CDH4: variants seen among roughly 807,000 people sequenced by gnomAD.
CDH4 encodes the protein cadherin-4.
CDH4 carries 33 observed loss-of-function variants against 86.0 expected under a neutral mutation model. The ratio of observed to expected loss-of-function variants is 0.38; its 90% CI spans 0.29 to 0.51. CDH4 has a LOEUF of 0.51. Among genes scored for constraint, CDH4 ranks in the 20% least tolerant of loss-of-function variants. The pLI is 0.86. For synonymous variants in CDH4, 555 were observed against 549.4 expected (o/e 1.01, Z -0.14); for missense variants, 1,114 against 1,307.4 (o/e 0.85, Z 2.28).
rs528264404 is a variant in CDH4, at chr20:61,269,137, C to T, written c.169+14200C>T. On this transcript the variant is annotated intron_variant, in intron 2 of 15. Transcript: ENST00000614565. The surrounding 1 kb of genome is among the most constrained non-coding windows in gnomAD (Gnocchi z 5.3). The stretch of plus-strand genomic sequence containing the variant: ...TCCACTGATGGAGCCCTCCCCATGC[C>T]GGGTGCTGCACCGTACCAGCTGGGT... 2.0e-5 allele frequency among the ~76,000 whole-genome samples: 3 copies of T among 152,312 alleles called. No homozygotes were observed. Among genetic ancestry groups the T allele is most frequent in the East Asian group, 1.9e-4 (1 of 5,178 alleles).
rs1212055286 is a variant in CDH4, at chr20:61,582,392, C to T, written c.170-161171C>T. 6.6e-6 allele frequency among the ~76,000 whole-genome samples: 1 copy of T among 152,226 alleles called. No individual in the cohort carries two copies. The highest frequency in any genetic ancestry group is 2.4e-5 in the African/African-American group (1 of 41,466). On this transcript the variant is annotated intron_variant, in intron 2 of 15. Transcript: ENST00000614565. This position sits in a 1 kb window ranked among gnomAD's most constrained non-coding sequence, Gnocchi z 4.2. ...GTGAGCCCTGGGGCTTTCCCAGGGC[C>T]ATCCCCCTGCCTGGGGCCCTGTCCG...
intron 2 of CDH4, among the ~76,000 whole-genome samples, chr20:61,287,307 C>T (rs996067783): frequency 2.6e-5 from 4 of 152,094 alleles, no homozygotes; most frequent in Non-Finnish European, 5.9e-5. Context: ...GAGACCTGGT[C>T]TCTACACTAA....
chr20:61,772,910 C>T, intron 3 of CDH4, 93 bp from the exon 4 acceptor site: 3 of 1,100,830 alleles, frequency 2.7e-6, no homozygotes, highest in South Asian at 2.0e-5. Flanking sequence ...CTCTCAGTCT[C>T]GGGCAGTACA....
chr20:61,837,903 T>G (rs974191341), intron 4 of CDH4, among the ~76,000 whole-genome samples: 1 of 151,986 alleles, frequency 6.6e-6, no homozygotes, highest in Non-Finnish European at 1.5e-5. Flanking sequence ...TCTCCCTTCC[T>G]CCCCTCCCAT....
rs1397838182 is a variant in CDH4 at position 61,265,544 on chromosome 20, C to T, written c.169+10607C>T. 7.3e-5 allele frequency among the ~76,000 whole-genome samples: 11 copies of T among 151,362 alleles called. No individual in the cohort carries two copies. The East Asian group carries it at 1.8e-3, about 24-fold the overall frequency. ...GTTCCTTCATTCAATCTTACACGGA[C>T]CTCAGTGGCTCCTTCACTCAATCTT... is the stretch of plus-strand genomic sequence containing the variant. On this transcript the variant is annotated intron_variant, in intron 2 of 15. Coordinates refer to ENST00000614565, the MANE Select transcript of CDH4 (RefSeq NM_001794.5).
chr20:61,904,749 G>T (rs974957352), intron 8 of CDH4, among the ~76,000 whole-genome samples: 1 of 152,240 alleles, frequency 6.6e-6, no homozygotes. Context: ...GCCGCTTGCC[G>T]TGTGGCAGAT....
intron 2 of CDH4, among the ~76,000 whole-genome samples, chr20:61,603,457 C>T (rs775939324): frequency 1.3e-5 from 2 of 152,128 alleles, no homozygotes; most frequent in African/African-American, 2.4e-5. Context: ...GGCAGTTGGG[C>T]GGCTGTTTTG....
intron 2 of CDH4, among the ~76,000 whole-genome samples, chr20:61,714,235 A>G (rs555655887): frequency 6.6e-6 from 1 of 151,582 alleles, no homozygotes; most frequent in East Asian, 1.9e-4. Context: ...TTTAGTAGAG[A>G]CGGGGTTTCA....
intron 4 of CDH4, among the ~76,000 whole-genome samples, chr20:61,787,465 A>C (rs1443407380): frequency 2.0e-5 from 3 of 152,214 alleles, no homozygotes; most frequent in Non-Finnish European, 4.4e-5. Flanking sequence ...ACATGGAGGT[A>C]ACTGCGCCCA....
At chr20:61,753,772 G>C (rs1170640803) in intron 3 of CDH4, among the ~76,000 whole-genome samples, 1 of 152,230 alleles carries the variant, frequency 6.6e-6, no homozygotes, top group African/African-American at 2.4e-5. Flanking sequence ...ACTCGGCCGA[G>C]CAATGTCCCA....
At chr20:61,746,709 C>T (rs1317909219) in intron 3 of CDH4, among the ~76,000 whole-genome samples, 1 of 152,208 alleles carries the variant, frequency 6.6e-6, no homozygotes. Flanking sequence ...CTACCCATGT[C>T]CCAGCCAAAG....
At chr20:61,332,341 G>A (rs531961860) in intron 2 of CDH4, among the ~76,000 whole-genome samples, 7 of 152,282 alleles carry the variant, frequency 4.6e-5, no homozygotes, top group South Asian at 2.1e-4. Flanking sequence ...TAGAGAGTCC[G>A]GGAAACCCAT....
At chr20:61,628,775 G>A (rs977215585) in intron 2 of CDH4, among the ~76,000 whole-genome samples, 2 of 152,220 alleles carry the variant, frequency 1.3e-5, no homozygotes, top group African/African-American at 4.8e-5. Flanking sequence ...CTGCTCCCCA[G>A]CCCTGCCTCT....
Position 61,940,054 on chromosome 20 carries a change from G to A in CDH4, c.*3111G>A, listed in dbSNP as rs527515684. ...TTCTCTCCAAAGCAAAAAGCTGGGC[G>A]AGGGGTAGTCTCAATTTCTGTCAGT... is the stretch of plus-strand genomic sequence containing the variant. On this transcript the variant is annotated 3_prime_UTR_variant, in exon 16 of 16. Transcript: ENST00000614565. 2 of 152,334 alleles carry A rather than the reference G, an allele frequency of 1.3e-5. No individual in the cohort carries two copies. Among genetic ancestry groups the A allele is most frequent in the African/African-American group, 2.4e-5 (1 of 41,578 alleles). The allele number at this position is 152,334 out of a possible 1,614,324, so 9.4% of individuals were successfully genotyped here.
chr20:61,867,786 G>C (rs1378916607), intron 6 of CDH4, among the ~76,000 whole-genome samples: 1 of 152,170 alleles, frequency 6.6e-6, no homozygotes, highest in Non-Finnish European at 1.5e-5. Context: ...GAGCTAATGT[G>C]ATAAAAGCCA....
chr20:61,598,138 G>C (rs6061659), intron 2 of CDH4, among the ~76,000 whole-genome samples: 1 of 152,078 alleles, frequency 6.6e-6, no homozygotes, highest in Non-Finnish European at 1.5e-5. Flanking sequence ...GTGACCCGCC[G>C]GGGACTTGCC....
intron 2 of CDH4, among the ~76,000 whole-genome samples, chr20:61,531,422 A>G (rs183661417): frequency 1.3e-3 from 189 of 148,436 alleles, no homozygotes; most frequent in African/African-American, 3.9e-3. Flanking sequence ...GCAGTGAGCC[A>G]AGATCGTGCC....
At chr20:61,761,694 G>A (rs765252762) in intron 3 of CDH4, among the ~76,000 whole-genome samples, 64 of 152,348 alleles carry the variant, frequency 4.2e-4, no homozygotes, top group Admixed American at 1.3e-3. Flanking sequence ...GGACTGCAGT[G>A]CACAGAGGGG....
At chr20:61,493,579 G>A (rs1300567694) in intron 2 of CDH4, among the ~76,000 whole-genome samples, 8 of 152,212 alleles carry the variant, frequency 5.3e-5, no homozygotes, top group Admixed American at 5.2e-4. Context: ...GAGATAAAAT[G>A]GCAGCCTGTC....
Sources: gnomAD v4.1 joint callset for allele counts (sites outside exome capture counted in the v4.1 genomes callset) on GRCh38, gnomAD v4.1.1 for gene constraint, Gnocchi (gnomAD v3.1) non-coding constraint, MANE v1.5 for transcripts, NCBI Gene and HGNC (gene_info 2026-07-23, HGNC 2026-07-21) for gene names.